Variants in SLAMF1 observed in about 807,000 individuals in gnomAD.
SLAMF1 encodes signaling lymphocytic activation molecule.
SLAMF1 carries 18 observed loss-of-function variants against 35.1 expected under a neutral mutation model. That is an observed-to-expected ratio of 0.51 (90% CI 0.35 to 0.76). The LOEUF is 0.76. Ranked by LOEUF, SLAMF1 falls within the 30% of genes least tolerant of loss-of-function variation. The probability of loss-of-function intolerance (pLI) is 0.01; values close to 1 mark genes in which losing one functional copy is unlikely to be tolerated. For missense variants in SLAMF1, 392 were observed against 413.0 expected, an observed-to-expected ratio of 0.95 and a Z score of 0.44; for synonymous variants, 168 against 157.2, an observed-to-expected ratio of 1.07 and a Z score of -0.51.
intron 3 of SLAMF1, among the ~76,000 whole-genome samples, chr1:160,632,753 A>T (rs1160400378): frequency 5.3e-5 from 8 of 152,190 alleles, no homozygotes; most frequent in African/African-American, 1.9e-4. Context: ...ATTTACAATT[A>T]AAAAATACAT....
intron 3 of SLAMF1, chr1:160,634,235 G>A (rs1020943477): frequency 1.9e-5 from 3 of 158,322 alleles, no homozygotes; most frequent in Non-Finnish European, 2.7e-5. Context: ...ACTAATTGAC[G>A]GTGTAGAACT....
At chr1:160,617,736 G>A (rs1255054714) in intron 5 of SLAMF1, among the ~76,000 whole-genome samples, 1 of 152,162 alleles carries the variant, frequency 6.6e-6, no homozygotes, top group Non-Finnish European at 1.5e-5. Flanking sequence ...TACGGGCAAT[G>A]TTCTAGTCTT....
chr1:160,639,446 C>A (rs556596143), intron 1 of SLAMF1, among the ~76,000 whole-genome samples: 124 of 152,186 alleles, frequency 8.1e-4, no homozygotes, highest in Non-Finnish European at 1.4e-3. Context: ...AGGCTGGTTT[C>A]GAACTCCTGA....
At position 160,619,767 on chromosome 1, in the gene SLAMF1, A is replaced by T. The variant is rs1480074267; in HGVS notation, c.864+9T>A. Reference sequence around the variant, plus strand: ...GACAGGTTCATCTCAAACAAAATATAGAACTTACACCTGGTTTCTGGACTT... The same window carrying T: ...GACAGGTTCATCTCAAACAAAATATTGAACTTACACCTGGTTTCTGGACTT... On this transcript the variant is annotated intron_variant, in intron 5 of 6. Coordinates refer to ENST00000302035, the MANE Select transcript of SLAMF1 (RefSeq NM_003037.5). 6.4e-7 allele frequency: 1 copy of T among 1,569,658 alleles called. No individual in the cohort carries two copies. The highest frequency in any genetic ancestry group is 1.4e-5 in the African/African-American group (1 of 73,986).
intron 1 of SLAMF1, among the ~76,000 whole-genome samples, chr1:160,638,604 G>A (rs1660579066): frequency 6.6e-6 from 1 of 152,142 alleles, no homozygotes; most frequent in Non-Finnish European, 1.5e-5. Context: ...TTACAGCAAA[G>A]TGCTTTAATG....
At chr1:160,631,696 A>C (rs1471784534) in intron 3 of SLAMF1, among the ~76,000 whole-genome samples, 1 of 151,864 alleles carries the variant, frequency 6.6e-6, no homozygotes, top group East Asian at 1.9e-4. Context: ...TCAGGGTGTG[A>C]GTACACGAAG....
intron 4 of SLAMF1, among the ~76,000 whole-genome samples, chr1:160,622,075 A>G (rs746811525): frequency 5.8e-4 from 88 of 152,170 alleles, no homozygotes; most frequent in Non-Finnish European, 1.1e-3. Context: ...GCTCAGAGTC[A>G]AATGTAGAAC....
At chr1:160,636,306 T>C (rs772392899) in intron 2 of SLAMF1, among the ~76,000 whole-genome samples, 5 of 152,138 alleles carry the variant, frequency 3.3e-5, no homozygotes, top group African/African-American at 1.2e-4. Flanking sequence ...GAATGCTGGG[T>C]TGAGGGAGGA....
chr1:160,630,694 CT>C (rs1339405877), intron 3 of SLAMF1, among the ~76,000 whole-genome samples: 2 of 152,140 alleles, frequency 1.3e-5, no homozygotes, highest in African/African-American at 4.8e-5. Context: ...ACTGGTTTCT[CT>C]TTCTTCCCCA....
intron 5 of SLAMF1, among the ~76,000 whole-genome samples, chr1:160,615,545 A>G (rs936457427): frequency 5.3e-5 from 8 of 152,220 alleles, no homozygotes; most frequent in Non-Finnish European, 7.3e-5. Context: ...TCTACTAGCA[A>G]ATATTTAAGG....
Position 160,633,028 on chromosome 1 carries a change from C to A in SLAMF1, c.700+1585G>T, listed in dbSNP as rs75482415. Among the ~76,000 whole-genome samples the A allele has an allele frequency of 1.8e-3, 268 of 152,236 alleles. 2 individuals carry two copies. The highest frequency in any genetic ancestry group is 0.014 in the Middle Eastern group (4 of 294). On this transcript the variant is annotated intron_variant, in intron 3 of 6. Transcript: ENST00000302035. The stretch of plus-strand genomic sequence containing the variant: ...ACTGGCACATAGTAAACCATGATGA[C>A]CCGCCAGTTGCTGTTATTTAGAGAT...
At chr1:160,640,827 T>C (rs1215234291) in intron 1 of SLAMF1, among the ~76,000 whole-genome samples, 3 of 152,194 alleles carry the variant, frequency 2.0e-5, no homozygotes, top group Non-Finnish European at 4.4e-5. Context: ...TTTAAAATAT[T>C]GCGAATATAT....
chr1:160,610,134 G>A lies in SLAMF1; in HGVS notation c.*614C>T. On this transcript the variant is annotated 3_prime_UTR_variant, in exon 7 of 7. Coordinates refer to ENST00000302035, the MANE Select transcript of SLAMF1 (RefSeq NM_003037.5). Reference sequence around the variant, plus strand: ...ATTCTTTCTGTTTATTGACTTTTTAGCTTCTGGGTTTTGCAAATAAAATAA... The same window carrying A: ...ATTCTTTCTGTTTATTGACTTTTTAACTTCTGGGTTTTGCAAATAAAATAA... 3.0e-6 allele frequency: 1 copy of A among 338,204 alleles called. No homozygotes were observed. The highest frequency in any genetic ancestry group is 2.4e-5 in the South Asian group (1 of 42,012). The allele number at this position is 338,204 out of a possible 1,614,324, so 21.0% of individuals were successfully genotyped here.
At chr1:160,630,746 T>C (rs150857173) in intron 3 of SLAMF1, among the ~76,000 whole-genome samples, 308 of 152,304 alleles carry the variant, frequency 2.0e-3, no homozygotes, top group African/African-American at 7.0e-3. Flanking sequence ...CTGGAGTTCC[T>C]CTTTGAAAAG....
In SLAMF1 at chr1:160,609,196, T is replaced by A. The variant is rs1658849874; in HGVS notation, c.*1552A>T. The A allele has an allele frequency of 6.6e-6, 1 of 152,216 alleles. No individual in the cohort carries two copies. The highest frequency in any genetic ancestry group is 1.5e-5 in the Non-Finnish European group (1 of 68,038). 9.4% of individuals were successfully genotyped at this position (152,216 alleles called of 1,614,324 possible). On this transcript the variant is annotated 3_prime_UTR_variant, in exon 7 of 7. Coordinates refer to ENST00000302035, the MANE Select transcript of SLAMF1 (RefSeq NM_003037.5). ...ATGAACAGGATCATCATCCCTGGGC[T>A]GGTTTTGTAATTTTGGCTGTGCTCC...
intron 5 of SLAMF1, among the ~76,000 whole-genome samples, chr1:160,617,217 A>G (rs1172870256): frequency 1.3e-5 from 2 of 152,170 alleles, no homozygotes; most frequent in African/African-American, 4.8e-5. Flanking sequence ...CTGATAGAAA[A>G]GTAAATGGAT....
chr1:160,646,758 G>C, intron 1 of SLAMF1, 112 bp downstream of exon 1: 1 of 666,126 alleles, frequency 1.5e-6, no homozygotes, highest in East Asian at 2.9e-5. Flanking sequence ...AGTCCCTAAG[G>C]AAGAGTGACC....
chr1:160,619,879 C>T (rs752284590), intron 4 of SLAMF1, 30 bp from the exon 5 acceptor site: 2 of 1,447,392 alleles, frequency 1.4e-6, no homozygotes, highest in Non-Finnish European at 1.9e-6. Context: ...ATGGTTATCT[C>T]CCTCTGGTCC....
At chr1:160,617,265 A>G (rs1387672001) in intron 5 of SLAMF1, among the ~76,000 whole-genome samples, 1 of 152,136 alleles carries the variant, frequency 6.6e-6, no homozygotes, top group Non-Finnish European at 1.5e-5. Context: ...TTATCTAGTC[A>G]ATTTGGAGGT....
Sources: allele counts gnomAD v4.1 joint callset (sites outside exome capture counted in the v4.1 genomes callset), GRCh38; gene constraint gnomAD v4.1.1; transcripts MANE v1.5; gene names NCBI Gene and HGNC (gene_info 2026-07-23, HGNC 2026-07-21).